DENND1A: variants seen among roughly 807,000 people sequenced by gnomAD.
The protein encoded by DENND1A is DENN domain containing 1A, also known as DENN domain-containing protein 1A.
A neutral mutation model predicts 113.7 loss-of-function variants in DENND1A; 51 were observed. The ratio of observed to expected loss-of-function variants is 0.45; its 90% CI spans 0.36 to 0.57. The LOEUF (loss-of-function observed/expected upper bound fraction) is 0.57, where lower values mean the gene tolerates loss of function less well. Among genes scored for constraint, DENND1A ranks in the 20% least tolerant of loss-of-function variants. The pLI is 0.00. For missense variants in DENND1A, 1,258 were observed against 1,395.9 expected, an observed-to-expected ratio of 0.90 and a Z score of 1.57; for synonymous variants, 565 against 570.8, an observed-to-expected ratio of 0.99 and a Z score of 0.14.
chr9:123,579,750 C>T (rs1250211318), intron 12 of DENND1A, among the ~76,000 whole-genome samples: 1 of 152,146 alleles, frequency 6.6e-6, no homozygotes, highest in Non-Finnish European at 1.5e-5. Context: ...ATGCCAAATG[C>T]AGGGGACACA....
chr9:123,904,467 T>C (rs1280262664), intron 1 of DENND1A, among the ~76,000 whole-genome samples: 1 of 145,716 alleles, frequency 6.9e-6, no homozygotes. Context: ...TTGAAAACTT[T>C]GAAAAAAATT....
intron 6 of DENND1A, among the ~76,000 whole-genome samples, chr9:123,674,841 CTTTTT>C (rs11327678): frequency 1.5e-5 from 2 of 132,340 alleles, no homozygotes; most frequent in Non-Finnish European, 1.6e-5. Flanking sequence ...GTTTTTTTCT[CTTTTT>C]TTTTTTTTTT....
chr9:123,600,782 G>C (rs2059906003), intron 11 of DENND1A, among the ~76,000 whole-genome samples: 1 of 151,640 alleles, frequency 6.6e-6, no homozygotes, highest in Admixed American at 6.6e-5. Context: ...AGTGAGCTGA[G>C]ATGGCACCAC....
Position 123,609,501 on chromosome 9 carries a change from C to T in DENND1A, c.720-20G>A, listed in dbSNP as rs1462712763. 2 of 1,610,880 alleles carry T rather than the reference C, an allele frequency of 1.2e-6. No individual in the cohort carries two copies. Among genetic ancestry groups the T allele is most frequent in the Admixed American group, 3.4e-5 (2 of 59,604 alleles). ...GGAGCACTGTGAAGAGAAACAGAGACACACAGCTGCTTTAATGTCTGTTGC... is the reference window on the plus strand; with the variant it reads ...GGAGCACTGTGAAGAGAAACAGAGATACACAGCTGCTTTAATGTCTGTTGC... On this transcript the variant is annotated intron_variant, in intron 10 of 23. Transcript: ENST00000394215.
intron 7 of DENND1A, among the ~76,000 whole-genome samples, chr9:123,670,738 T>C (rs1317635573): frequency 6.6e-6 from 1 of 152,194 alleles, no homozygotes; most frequent in Non-Finnish European, 1.5e-5. Context: ...AGGGTGTAAC[T>C]AAGTACCACA....
intron 13 of DENND1A, among the ~76,000 whole-genome samples, chr9:123,478,336 G>A (rs1377435704): frequency 6.6e-6 from 1 of 152,242 alleles, no homozygotes; most frequent in African/African-American, 2.4e-5. Context: ...GTCTGTGCCT[G>A]GGGGCACCAT....
rs544179173 is a variant in DENND1A at position 123,768,507 on chromosome 9, G to C, written c.182+1007C>G. ...AAATACATGATAGAATCTTCCTGAA[G>C]ATAAGCACAAATTTTATAGCTTTCT... On this transcript the variant is annotated intron_variant, in intron 4 of 23. Coordinates refer to ENST00000394215, the MANE Select transcript of DENND1A (RefSeq NM_001352964.2). Among the ~76,000 whole-genome samples, 20 of 152,230 alleles carry C rather than the reference G, an allele frequency of 1.3e-4. 1 individual carries two copies. The East Asian group carries it at 2.9e-3, about 22-fold the overall frequency.
At chr9:123,888,157 G>C (rs1849372642) in intron 1 of DENND1A, among the ~76,000 whole-genome samples, 1 of 152,138 alleles carries the variant, frequency 6.6e-6, no homozygotes, top group Non-Finnish European at 1.5e-5. Flanking sequence ...CAGGGAACGT[G>C]CTAGATGAAC....
intron 3 of DENND1A, among the ~76,000 whole-genome samples, chr9:123,792,135 C>T (rs1458194920): frequency 2.0e-5 from 3 of 152,222 alleles, no homozygotes; most frequent in Non-Finnish European, 2.9e-5. Flanking sequence ...TCTGCACGTG[C>T]ATCTTCTCCT....
chr9:123,611,171 T>C (rs561003633), intron 10 of DENND1A, among the ~76,000 whole-genome samples: 1 of 152,108 alleles, frequency 6.6e-6, no homozygotes, highest in Non-Finnish European at 1.5e-5. Flanking sequence ...GGAGTTGTCT[T>C]TTCTTCTTCT....
At chr9:123,882,464 C>CCT (rs57123341) in intron 1 of DENND1A, among the ~76,000 whole-genome samples, 43,273 of 151,872 alleles carry the variant, frequency 0.28, 9,734 homozygotes, top group African/African-American at 0.63. Context: ...CCTCGACTCC[C>CCT]GTTTCATATG....
At chr9:123,566,533 T>A (rs2058060609) in intron 12 of DENND1A, among the ~76,000 whole-genome samples, 1 of 152,212 alleles carries the variant, frequency 6.6e-6, no homozygotes, top group African/African-American at 2.4e-5. Flanking sequence ...GACAAAAGCA[T>A]CAATTATCAT....
intron 21 of DENND1A, among the ~76,000 whole-genome samples, chr9:123,392,566 G>C (rs1375429528): frequency 6.6e-6 from 1 of 152,208 alleles, no homozygotes; most frequent in East Asian, 1.9e-4. Flanking sequence ...TGCCTGTCCG[G>C]TGGGTGCCAG....
intron 1 of DENND1A, among the ~76,000 whole-genome samples, chr9:123,888,062 A>AT (rs1285982570): frequency 2.0e-5 from 3 of 152,200 alleles, no homozygotes; most frequent in African/African-American, 7.2e-5. Context: ...AGCACACCTA[A>AT]TTCCCAGGCC....
chr9:123,433,535 AG>A (rs2046296333), intron 19 of DENND1A, among the ~76,000 whole-genome samples: 2 of 152,222 alleles, frequency 1.3e-5, no homozygotes, highest in African/African-American at 4.8e-5. Context: ...TGCCTCTCCT[AG>A]GAATAAAGAT....
At chr9:123,427,165 C>G (rs1028353139) in intron 19 of DENND1A, among the ~76,000 whole-genome samples, 25 of 152,230 alleles carry the variant, frequency 1.6e-4, no homozygotes, top group African/African-American at 6.0e-4. Context: ...ATGGCATGAT[C>G]ACACAAGCAC....
chr9:123,583,385 T>C, intron 11 of DENND1A, 115 bp from the exon 12 acceptor site: 1 of 718,806 alleles, frequency 1.4e-6, no homozygotes, highest in South Asian at 2.0e-5. Flanking sequence ...TGACAAAGTC[T>C]TACTCTGCAG....
At chr9:123,847,617 T>C (rs535868554) in intron 2 of DENND1A, among the ~76,000 whole-genome samples, 77 of 152,138 alleles carry the variant, frequency 5.1e-4, no homozygotes, top group African/African-American at 1.8e-3. Context: ...ATGAAAAAAC[T>C]CTGAGATGCA....
At chr9:123,505,339 A>T (rs767413235) in intron 13 of DENND1A, among the ~76,000 whole-genome samples, 1 of 152,240 alleles carries the variant, frequency 6.6e-6, no homozygotes, top group African/African-American at 2.4e-5. Context: ...CTTGGAGAAG[A>T]TAATGTTTGT....
Sources: allele counts gnomAD v4.1 joint callset (sites outside exome capture counted in the v4.1 genomes callset), GRCh38; gene constraint gnomAD v4.1.1; transcripts MANE v1.5; gene names NCBI Gene and HGNC (gene_info 2026-07-23, HGNC 2026-07-21).